The following NAV3 variants were observed in gnomAD, a reference collection of about 807,000 sequenced individuals.
NAV3 encodes the protein neuron navigator 3.
In NAV3, 87 loss-of-function variants were observed where a neutral mutation model predicts 244.7. The observed-to-expected ratio is 0.36, with a 90% CI of 0.30 to 0.42. The LOEUF (loss-of-function observed/expected upper bound fraction) is 0.42. Among genes scored for constraint, NAV3 ranks in the 20% least tolerant of loss-of-function variants. The pLI, the probability that NAV3 is intolerant of heterozygous loss-of-function variation, is 1.00. For missense variants in NAV3, 2,663 were observed against 2,893.3 expected (o/e 0.92, Z 1.83); for synonymous variants, 1,126 against 1,042.2 (o/e 1.08, Z -1.55).
At chr12:77,759,178 CAAT>C (rs1183558220) in intron 2 of NAV3, among the ~76,000 whole-genome samples, 1 of 152,156 alleles carries the variant, frequency 6.6e-6, no homozygotes, top group Non-Finnish European at 1.5e-5. Flanking sequence ...ATACACAAAA[CAAT>C]GTTTCATTGT....
chr12:77,631,945 T>C (rs1871921398), intron 2 of NAV3, among the ~76,000 whole-genome samples: 1 of 152,198 alleles, frequency 6.6e-6, no homozygotes, highest in Non-Finnish European at 1.5e-5. Context: ...CCGGAAATCA[T>C]TAGTACCTTT....
At chr12:77,635,324 A>G (rs1872111169) in intron 2 of NAV3, among the ~76,000 whole-genome samples, 1 of 152,160 alleles carries the variant, frequency 6.6e-6, no homozygotes, top group Non-Finnish European at 1.5e-5. Flanking sequence ...TCTCTTGAGT[A>G]GCTGGGACTA....
chr12:77,737,409 G>C (rs1365141890), intron 2 of NAV3, among the ~76,000 whole-genome samples: 1 of 151,668 alleles, frequency 6.6e-6, no homozygotes, highest in East Asian at 1.9e-4. Context: ...ACATTGCAAG[G>C]GTAGGGTAGG....
chr12:77,780,538 A>G (rs1239744888), intron 2 of NAV3, among the ~76,000 whole-genome samples: 1 of 152,200 alleles, frequency 6.6e-6, no homozygotes, highest in Non-Finnish European at 1.5e-5. Context: ...GAGAGGTTTT[A>G]AGCTCAGATG....
rs748074954 is a variant in NAV3 at position 78,205,103 on chromosome 12, C to T, written c.7003C>T (p.His2335Tyr). 1.9e-6 allele frequency: 3 copies of T among 1,613,430 alleles called. No homozygotes were observed. In the Admixed American group the frequency reaches 5.0e-5, roughly 27 times the overall value. The change falls in exon 39 of 40, where the codon CAC becomes TAC. Residue 2335 changes from histidine (H) to tyrosine (Y), a missense_variant. By Grantham distance (83) the His-to-Tyr change is moderately conservative. Coordinates refer to ENST00000397909, the MANE Select transcript of NAV3 (RefSeq NM_001024383.2). ...TSTKEATTSK[H>Y]IPQTDTEGDP... ...CACTAAGGAAGCCACAACCTCAAAG[C>T]ACATTCCGCAAACTGACACAGAAGG...
chr12:78,153,410 G>A (rs1156422553), intron 22 of NAV3, among the ~76,000 whole-genome samples: 5 of 151,996 alleles, frequency 3.3e-5, no homozygotes, highest in Admixed American at 6.6e-5. Flanking sequence ...AAAGGAGAGC[G>A]GTTATATTGG....
intron 5 of NAV3, among the ~76,000 whole-genome samples, chr12:77,972,874 G>A (rs1593162215): frequency 6.6e-6 from 1 of 151,948 alleles, no homozygotes; most frequent in South Asian, 2.1e-4. Context: ...TAGTTGGCAG[G>A]AAAGCTAAAA....
At chr12:78,153,515 A>G (rs1230854551) in intron 22 of NAV3, among the ~76,000 whole-genome samples, 1 of 152,132 alleles carries the variant, frequency 6.6e-6, no homozygotes, top group East Asian at 1.9e-4. Flanking sequence ...AAATGGTAAT[A>G]GCAAACAATA....
At chr12:78,103,786 A>G (rs759900967) in intron 12 of NAV3, among the ~76,000 whole-genome samples, 1 of 152,302 alleles carries the variant, frequency 6.6e-6, no homozygotes, top group Non-Finnish European at 1.5e-5. Context: ...CACTACCACT[A>G]GGACAGTATG....
intron 13 of NAV3, among the ~76,000 whole-genome samples, chr12:78,117,258 A>G (rs562614814): frequency 5.9e-5 from 1 of 16,886 alleles, no homozygotes; most frequent in South Asian, 8.9e-4. Context: ...TGGTATAGTT[A>G]TCTATACAAA....
At chr12:77,580,222 AC>A (rs1869293158) in intron 2 of NAV3, among the ~76,000 whole-genome samples, 819 of 53,758 alleles carry the variant, frequency 0.015, 8 homozygotes, top group African/African-American at 0.054. Context: ...GGGTGGGAAC[AC>A]ACACACACAC....
Position 78,067,059 on chromosome 12 carries a change from A to G in NAV3, c.2636+7944A>G, listed in dbSNP as rs79075093. Reference sequence around the variant, plus strand: ...CTTTATGATTTCCAAGCCTTTTCCAACTAGGAAAAGTAAAGGCAACAGAGA... The same window carrying G: ...CTTTATGATTTCCAAGCCTTTTCCAGCTAGGAAAAGTAAAGGCAACAGAGA... On this transcript the variant is annotated intron_variant, in intron 12 of 39. Transcript: ENST00000397909. Among the ~76,000 whole-genome samples, 728 of 152,232 alleles carry G rather than the reference A, an allele frequency of 4.8e-3. 6 individuals carry two copies. Among genetic ancestry groups the G allele is most frequent in the African/African-American group, 0.017 (693 of 41,544 alleles).
intron 23 of NAV3, among the ~76,000 whole-genome samples, chr12:78,164,438 T>C (rs1957695070): frequency 6.6e-6 from 1 of 152,066 alleles, no homozygotes. Context: ...AACCAAATCT[T>C]TGAAAATAGA....
At chr12:77,744,526 G>A (rs1868436907) in intron 2 of NAV3, among the ~76,000 whole-genome samples, 1 of 151,888 alleles carries the variant, frequency 6.6e-6, no homozygotes, top group Non-Finnish European at 1.5e-5. Flanking sequence ...ATGGAAAATT[G>A]TTGTGTAGTT....
At chr12:78,197,468 C>A in intron 35 of NAV3, 67 bp downstream of exon 35, 1 of 1,246,970 alleles carries the variant, frequency 8.0e-7, no homozygotes, top group South Asian at 1.8e-5. Flanking sequence ...CCTTCTTGTA[C>A]CTGTATGCAT....
At chr12:77,758,227 T>A (rs925794047) in intron 2 of NAV3, among the ~76,000 whole-genome samples, 4 of 152,228 alleles carry the variant, frequency 2.6e-5, no homozygotes, top group Non-Finnish European at 4.4e-5. Flanking sequence ...CTGGATATAC[T>A]TTTTTCCTGT....
Position 77,944,163 on chromosome 12 carries a change from T to G in NAV3, c.414+3030T>G, listed in dbSNP as rs145476153. On this transcript the variant is annotated intron_variant, in intron 3 of 39. Coordinates refer to ENST00000397909, the MANE Select transcript of NAV3 (RefSeq NM_001024383.2). ...AAACAAATAGAAGAGCACCGTGGAT[T>G]AGGCACAAGGAGAGTTGTTTGAAGG... Among the ~76,000 whole-genome samples, 220 of 152,260 alleles carry G rather than the reference T, an allele frequency of 1.4e-3. 1 individual carries two copies. The highest frequency in any genetic ancestry group is 0.014 in the South Asian group (69 of 4,818).
intron 14 of NAV3, among the ~76,000 whole-genome samples, chr12:78,118,876 T>G (rs1955539869): frequency 6.6e-6 from 1 of 152,226 alleles, no homozygotes; most frequent in African/African-American, 2.4e-5. Context: ...AAGCACTAAT[T>G]AACAGGGTAC....
chr12:77,681,936 A>T (rs1874489473), intron 2 of NAV3, among the ~76,000 whole-genome samples: 1 of 152,218 alleles, frequency 6.6e-6, no homozygotes, highest in Non-Finnish European at 1.5e-5. Flanking sequence ...GTGCAATGGC[A>T]TCGTCAAGCT....
Sources: gnomAD v4.1 joint callset for allele counts (sites outside exome capture counted in the v4.1 genomes callset) on GRCh38, gnomAD v4.1.1 for gene constraint, MANE v1.5 for transcripts, NCBI Gene and HGNC (gene_info 2026-07-23, HGNC 2026-07-21) for gene names.